The following AGAP1 variants were observed in gnomAD, a reference collection of about 807,000 sequenced individuals.
AGAP1 encodes arf-GAP with GTPase, ANK repeat and PH domain-containing protein 1.
A neutral mutation model predicts 105.3 loss-of-function variants in AGAP1; 29 were observed. The ratio of observed to expected loss-of-function variants is 0.28; its 90% CI spans 0.21 to 0.38. The LOEUF is 0.38. AGAP1 is among the 10% of genes least tolerant of loss of function. The pLI, the probability that AGAP1 is intolerant of heterozygous loss-of-function variation, is 1.00. For missense variants in AGAP1, 998 were observed against 1,165.1 expected (o/e 0.86, Z 2.09); for synonymous variants, 509 against 485.9 (o/e 1.05, Z -0.63).
chr2:236,011,914 G>A (rs886844558), intron 13 of AGAP1, among the ~76,000 whole-genome samples: 6 of 151,958 alleles, frequency 3.9e-5, no homozygotes, highest in East Asian at 1.9e-4. Flanking sequence ...CAGTGTCTCC[G>A]TAGCCCCTCA....
chr2:235,922,540 A>G (rs1029122636), intron 11 of AGAP1, among the ~76,000 whole-genome samples: 1 of 152,210 alleles, frequency 6.6e-6, no homozygotes, highest in Admixed American at 6.5e-5. Context: ...GGCGCAGGGA[A>G]TGAACTTTTG....
rs1167873962 is a variant in AGAP1 at position 236,096,030 on chromosome 2, GTACT to G, written c.2115-24160_2115-24157del. ...GTGCCATGCTTCTTTATTGTTTTGGGTACTTGGAAATCCATTCTGCATTCGCTCA... is the reference window on the plus strand; with the variant it reads ...GTGCCATGCTTCTTTATTGTTTTGGGTGGAAATCCATTCTGCATTCGCTCA... On this transcript the variant is annotated intron_variant, in intron 16 of 17. Transcript: ENST00000304032. This position sits in a 1 kb window ranked among gnomAD's most constrained non-coding sequence, Gnocchi z 4.4. Among the ~76,000 whole-genome samples, 10 of 152,130 alleles carry G rather than the reference GTACT, an allele frequency of 6.6e-5. No homozygotes were observed. Among genetic ancestry groups the G allele is most frequent in the African/African-American group, 2.4e-4 (10 of 41,396 alleles).
rs2052499352 is a variant in AGAP1 at position 235,927,305 on chromosome 2, G to A, written c.1325-3460G>A. 6.6e-6 allele frequency among the ~76,000 whole-genome samples: 1 copy of A among 152,184 alleles called. No individual in the cohort carries two copies. The highest frequency in any genetic ancestry group is 2.4e-5 in the African/African-American group (1 of 41,430). On this transcript the variant is annotated intron_variant, in intron 11 of 17. Coordinates refer to ENST00000304032, the MANE Select transcript of AGAP1 (RefSeq NM_001037131.3). The surrounding 1 kb of genome is among the most constrained non-coding windows in gnomAD (Gnocchi z 4.4). ...TTCGTCACCCCAGAGGTTCCAGGTT[G>A]GTTCCTTGGGGACTCTCTCAGGAGG...
At position 235,663,532 on chromosome 2, in the gene AGAP1, C is replaced by T. The variant is rs899312757; in HGVS notation, c.164-45647C>T. Among the ~76,000 whole-genome samples the T allele has an allele frequency of 2.6e-5, 4 of 152,190 alleles. No individual in the cohort carries two copies. The highest frequency in any genetic ancestry group is 1.9e-4 in the East Asian group (1 of 5,194). On this transcript the variant is annotated intron_variant, in intron 1 of 17. Transcript: ENST00000304032. The surrounding 1 kb of genome is among the most constrained non-coding windows in gnomAD (Gnocchi z 5.4). ...CAGAAGGGAGAACTGTGTAAAATCA[C>T]GCTCTTCCAGAAGCTGGGCTTTGTA... is the stretch of plus-strand genomic sequence containing the variant.
chr2:235,598,577 A>G (rs769635431), intron 1 of AGAP1, among the ~76,000 whole-genome samples: 3 of 152,244 alleles, frequency 2.0e-5, no homozygotes, highest in Non-Finnish European at 4.4e-5. Context: ...ACGTGAAACT[A>G]ATTTTAACTT....
intron 3 of AGAP1, among the ~76,000 whole-genome samples, chr2:235,735,892 G>A (rs1025005293): frequency 6.6e-6 from 1 of 151,998 alleles, no homozygotes; most frequent in East Asian, 1.9e-4. Context: ...AGATGGGACC[G>A]CTGTATCCCC....
chr2:235,907,179 T>C (rs2051347156), intron 10 of AGAP1, among the ~76,000 whole-genome samples: 1 of 152,208 alleles, frequency 6.6e-6, no homozygotes. Flanking sequence ...CCTTGCATAG[T>C]GATTCTAGAA....
At chr2:235,768,746 T>A (rs1575400595) in intron 6 of AGAP1, among the ~76,000 whole-genome samples, 1 of 152,016 alleles carries the variant, frequency 6.6e-6, no homozygotes, top group African/African-American at 2.4e-5. Flanking sequence ...GTAGAGAGGG[T>A]AGGCACAGCC....
intron 9 of AGAP1, among the ~76,000 whole-genome samples, chr2:235,821,516 C>T (rs1012990280): frequency 2.7e-5 from 4 of 150,428 alleles, no homozygotes; most frequent in Admixed American, 1.3e-4. Flanking sequence ...CCCGAGTAGC[C>T]GGGACTACAG....
rs990652533 is a variant in AGAP1, at chr2:235,716,742, C to T, written c.223-815C>T. ...TCCCAAGCACAGGGAAAGGGAGGCT[C>T]CCTGTAGGATCGGCCACTTGGAGGC... On this transcript the variant is annotated intron_variant, in intron 2 of 17. Transcript: ENST00000304032. This position sits in a 1 kb window ranked among gnomAD's most constrained non-coding sequence, Gnocchi z 4.0. 3.3e-5 allele frequency among the ~76,000 whole-genome samples: 5 copies of T among 152,026 alleles called. No individual in the cohort carries two copies. The highest frequency in any genetic ancestry group is 4.8e-5 in the African/African-American group (2 of 41,374).
intron 16 of AGAP1, among the ~76,000 whole-genome samples, chr2:236,099,416 C>G (rs1196491295): frequency 1.3e-5 from 2 of 151,842 alleles, no homozygotes; most frequent in Non-Finnish European, 2.9e-5. Flanking sequence ...GATCACACCA[C>G]TGCACTCCAG....
At chr2:236,079,260 C>T (rs1203571264) in intron 16 of AGAP1, among the ~76,000 whole-genome samples, 3,264 of 151,930 alleles carry the variant, frequency 0.021, 51 homozygotes, top group African/African-American at 0.045. Flanking sequence ...TGGCTTACAC[C>T]TGTAATCCCA....
intron 13 of AGAP1, among the ~76,000 whole-genome samples, chr2:235,972,563 C>T (rs543399914): frequency 3.3e-5 from 5 of 152,288 alleles, no homozygotes; most frequent in Admixed American, 3.3e-4. Context: ...GAGCTGTGGC[C>T]TTCAAGAAAG....
intron 1 of AGAP1, among the ~76,000 whole-genome samples, chr2:235,561,867 T>G (rs1559249336): frequency 6.6e-6 from 1 of 152,176 alleles, no homozygotes; most frequent in African/African-American, 2.4e-5. Context: ...AACATAGCTT[T>G]CTTTATACCC....
intron 1 of AGAP1, among the ~76,000 whole-genome samples, chr2:235,521,061 G>A (rs1255235693): frequency 1.3e-5 from 2 of 152,212 alleles, no homozygotes; most frequent in East Asian, 1.9e-4. Context: ...TCAGGGACAC[G>A]AACATAATTC....
At chr2:235,776,829 G>A (rs1575427992) in intron 6 of AGAP1, 2 of 461,130 alleles carry the variant, frequency 4.3e-6, no homozygotes, top group South Asian at 1.6e-5. Context: ...CTCAGGCATC[G>A]GCACCAACTC....
intron 1 of AGAP1, among the ~76,000 whole-genome samples, chr2:235,554,528 AACCACCAGAAG>A (rs530138947): frequency 7.6e-4 from 115 of 152,288 alleles, no homozygotes; most frequent in African/African-American, 2.6e-3. Context: ...CCTTTCAGGA[AACCACCAGAAG>A]GGCTCCAGCT....
In AGAP1 at chr2:235,586,151, GC is replaced by G. The variant is rs1413270142; in HGVS notation, c.163+91304del. Among the ~76,000 whole-genome samples the G allele has an allele frequency of 2.0e-5, 3 of 152,140 alleles. No individual in the cohort carries two copies. The highest frequency in any genetic ancestry group is 4.4e-5 in the Non-Finnish European group (3 of 68,020). On this transcript the variant is annotated intron_variant, in intron 1 of 17. Transcript: ENST00000304032. This position sits in a 1 kb window ranked among gnomAD's most constrained non-coding sequence, Gnocchi z 4.2. ...GCAGTAAATGTAAGGATTTAGGTCG[GC>G]CATTGTCTCCGTGTAAGTCAACACT...
At chr2:235,640,555 A>G (rs909852196) in intron 1 of AGAP1, among the ~76,000 whole-genome samples, 1 of 152,202 alleles carries the variant, frequency 6.6e-6, no homozygotes, top group Non-Finnish European at 1.5e-5. Flanking sequence ...CTGGTTGTTT[A>G]CTGACTGTTC....
Sources: allele counts gnomAD v4.1 joint callset (sites outside exome capture counted in the v4.1 genomes callset), GRCh38; gene constraint gnomAD v4.1.1; non-coding constraint Gnocchi (gnomAD v3.1); transcripts MANE v1.5; gene names NCBI Gene and HGNC (gene_info 2026-07-23, HGNC 2026-07-21).